The following PLAT variants were observed in gnomAD, a reference collection of about 807,000 sequenced individuals.
The protein encoded by PLAT is tissue-type plasminogen activator.
A neutral mutation model predicts 74.9 loss-of-function variants in PLAT; 48 were observed. The ratio of observed to expected loss-of-function variants is 0.64; its 90% confidence interval spans 0.51 to 0.82. The LOEUF is 0.82. Among genes scored for constraint, PLAT ranks in the 40% least tolerant of loss-of-function variants. PLAT has a pLI of 0.00. For missense variants in PLAT, 673 were observed against 736.2 expected, an observed-to-expected ratio of 0.91 and a Z score of 0.99; for synonymous variants, 307 against 294.4, an observed-to-expected ratio of 1.04 and a Z score of -0.44.
In PLAT at chr8:42,180,002, C is replaced by A; in HGVS notation, c.1287G>T (p.Val429=). 4 of 1,609,966 alleles carry A rather than the reference C, an allele frequency of 2.5e-6. No individual in the cohort carries two copies. Among genetic ancestry groups the A allele is most frequent in the Non-Finnish European group, 3.4e-6 (4 of 1,177,880 alleles). The part of the protein sequence containing the change: ...CAQESSVVRT[V]CLPPADLQLP... The stretch of plus-strand genomic sequence containing the variant: ...GCTGCAGGTCCGCCGGGGGAAGGCA[C>A]ACAGTGCGGACCACGCTGCTCTCCT... The change falls in exon 12 of 14, where the codon GTG becomes GTT. Residue 429 remains valine (V), a synonymous_variant. Transcript: ENST00000220809.
chr8:42,201,269 C>T (rs952130008), intron 1 of PLAT, among the ~76,000 whole-genome samples: 1 of 152,236 alleles, frequency 6.6e-6, no homozygotes, highest in African/African-American at 2.4e-5. Flanking sequence ...CTCTCTGAGC[C>T]TGTTTCCTGG....
intron 1 of PLAT, among the ~76,000 whole-genome samples, chr8:42,206,210 C>A (rs1354966409): frequency 2.0e-5 from 3 of 152,160 alleles, no homozygotes; most frequent in African/African-American, 7.2e-5. Context: ...AGATTTTGAT[C>A]TGGGGCTTTA....
intron 13 of PLAT, among the ~76,000 whole-genome samples, chr8:42,178,396 G>C (rs1200154337): frequency 6.6e-6 from 1 of 150,986 alleles, no homozygotes; most frequent in African/African-American, 2.4e-5. Flanking sequence ...TCAGCCTCCT[G>C]AGTAGCTGGG....
rs1355493347 is a variant in PLAT at position 42,187,518 on chromosome 8, C to G, written c.419G>C (p.Ser140Thr). 2 of 1,611,448 alleles carry G rather than the reference C, an allele frequency of 1.2e-6. No homozygotes were observed. The highest frequency in any genetic ancestry group is 3.3e-5 in the Admixed American group (2 of 59,992). The change falls in exon 6 of 14, where the codon AGC (serine) becomes ACC (threonine). Residue 140 changes from serine to threonine, a missense_variant. Physicochemically the swap from Ser to Thr is moderately conservative, Grantham distance 58. Transcript: ENST00000220809. ...GCACTCGGCGCCACTCTCCGCTGTG[C>G]TCCACGTGCCCCTGTAGCTGATGCC... Reference protein sequence around the residue: ...DQGISYRGTWSTAESGAECTN... With the variant: ...DQGISYRGTWTTAESGAECTN...
intron 7 of PLAT, 84 bp from the exon 8 acceptor site, chr8:42,182,974 G>C (rs1034177730): frequency 8.9e-7 from 1 of 1,122,864 alleles, no homozygotes; most frequent in Non-Finnish European, 1.3e-6. Flanking sequence ...CGGAGCTGCC[G>C]GTCGAGGAAG....
rs2020921 is a variant in PLAT, at chr8:42,187,447, G to T, written c.490C>A (p.Arg164=). The T allele has an allele frequency of 6.2e-7, 1 of 1,603,504 alleles. No homozygotes were observed. The highest frequency in any genetic ancestry group is 1.1e-5 in the South Asian group (1 of 90,932). ...SALAQKPYSG[R]RPDAIRLGLG... Reference sequence around the variant, plus strand: ...CCCAGCCTGATGGCGTCTGGCCTCCGCCCGCTGTAGGGCTTCTGGGCCAAC... The same window carrying T: ...CCCAGCCTGATGGCGTCTGGCCTCCTCCCGCTGTAGGGCTTCTGGGCCAAC... Residue 164 remains arginine (R), a synonymous_variant, in exon 6 of 14, where the codon CGG becomes AGG. Coordinates refer to ENST00000220809, the MANE Select transcript of PLAT (RefSeq NM_000930.5).
chr8:42,190,743 A>G (rs138698788), intron 3 of PLAT, among the ~76,000 whole-genome samples: 1 of 152,162 alleles, frequency 6.6e-6, no homozygotes, highest in East Asian at 1.9e-4. Context: ...CTAAGTTGGT[A>G]GTTTTGGACC....
chr8:42,206,183 G>T lies in PLAT; in HGVS notation c.-27+1311C>A, dbSNP rs1227412295. Among the ~76,000 whole-genome samples, 3 of 152,326 alleles carry T rather than the reference G, an allele frequency of 2.0e-5. No individual in the cohort carries two copies. In the East Asian group the frequency reaches 5.8e-4, roughly 29 times the overall value. The stretch of plus-strand genomic sequence containing the variant: ...AAGGAGCATTTTGGAGACAAGGGCA[G>T]CTTTCATTTGCTCCTGAGATTTTGA... On this transcript the variant is annotated intron_variant, in intron 1 of 13. Coordinates refer to ENST00000220809, the MANE Select transcript of PLAT (RefSeq NM_000930.5).
In PLAT at chr8:42,207,509, CCCTTT is replaced by C. The variant is rs1235266183; in HGVS notation, c.-47_-43del. The stretch of plus-strand genomic sequence containing the variant: ...CCCGACCTACCACGGCTTGCTCCTT[CCCTTT>C]CCTCGCAGAGGTTTTCTCTCCAGCC... On this transcript the variant is annotated 5_prime_UTR_variant, in exon 1 of 14. Coordinates refer to ENST00000220809, the MANE Select transcript of PLAT (RefSeq NM_000930.5). 2 of 152,356 alleles carry C rather than the reference CCCTTT, an allele frequency of 1.3e-5. No homozygotes were observed. Among genetic ancestry groups the C allele is most frequent in the African/African-American group, 4.8e-5 (2 of 41,462 alleles). The allele number at this position is 152,356 out of a possible 1,614,324, so 9.4% of individuals were successfully genotyped here. A position where few individuals can be genotyped will look rare whatever the true frequency, so the allele number is the denominator to read the frequency against.
Position 42,180,398 on chromosome 8 carries a change from A to C in PLAT, c.1086-20T>G. 1 of 1,614,108 alleles carries C rather than the reference A, an allele frequency of 6.2e-7. No homozygotes were observed. Among genetic ancestry groups the C allele is most frequent in the Non-Finnish European group, 8.5e-7 (1 of 1,179,938 alleles). ...GGAAACCTGGTGGAGAAACAGCCTTAGAATGCTTTTTTTGCTGTGGGATTT... is the reference window on the plus strand; with the variant it reads ...GGAAACCTGGTGGAGAAACAGCCTTCGAATGCTTTTTTTGCTGTGGGATTT... On this transcript the variant is annotated intron_variant, in intron 10 of 13. Transcript: ENST00000220809.
intron 3 of PLAT, among the ~76,000 whole-genome samples, 175 bp from the exon 4 acceptor site, chr8:42,189,246 G>A (rs553397175): frequency 3.9e-5 from 6 of 152,204 alleles, no homozygotes; most frequent in African/African-American, 7.2e-5. Flanking sequence ...GGCCAAACAC[G>A]GTGACTGATG....
Position 42,194,143 on chromosome 8 carries a change from A to G in PLAT, c.-26-932T>C, listed in dbSNP as rs61106697. Among the ~76,000 whole-genome samples the G allele has an allele frequency of 3.3e-3, 405 of 122,432 alleles. 2 individuals are homozygous for G. Among genetic ancestry groups the G allele is most frequent in the African/African-American group, 0.013 (391 of 31,174 alleles). 80.3% of individuals were successfully genotyped at this position (122,432 alleles called of 152,430 possible). Reference sequence around the variant, plus strand: ...ACATGGTTCACTGCAGCCTTGACCCACCAGGCTCAAGAGATCCTCCTGCCT... The same window carrying G: ...ACATGGTTCACTGCAGCCTTGACCCGCCAGGCTCAAGAGATCCTCCTGCCT... On this transcript the variant is annotated intron_variant, in intron 1 of 13. Transcript: ENST00000220809.
At position 42,178,754 on chromosome 8, in the gene PLAT, C is replaced by G. The variant is rs111821505; in HGVS notation, c.1530+143G>C. The G allele has an allele frequency of 4.6e-5, 33 of 719,224 alleles. 2 individuals carry two copies. The highest frequency in any genetic ancestry group is 3.2e-4 in the African/African-American group (18 of 55,986). The allele number at this position is 719,224 out of a possible 1,614,324, so 44.6% of individuals were successfully genotyped here. On this transcript the variant is annotated intron_variant, in intron 13 of 13. Coordinates refer to ENST00000220809, the MANE Select transcript of PLAT (RefSeq NM_000930.5). ...CCTCCAGTTGCTTTATTCTGTGAGGCCCTCATCTAGAATCCCCAGGGGTAT... is the reference window on the plus strand; with the variant it reads ...CCTCCAGTTGCTTTATTCTGTGAGGGCCTCATCTAGAATCCCCAGGGGTAT...
intron 12 of PLAT, 87 bp downstream of exon 12, chr8:42,179,839 G>T: frequency 7.4e-7 from 1 of 1,353,118 alleles, no homozygotes. Flanking sequence ...TGGAACTTCG[G>T]TCTCCTGACC....
At chr8:42,204,114 CTT>C (rs1563265732) in intron 1 of PLAT, among the ~76,000 whole-genome samples, 1 of 151,506 alleles carries the variant, frequency 6.6e-6, no homozygotes, top group African/African-American at 2.4e-5. Context: ...TGTGGCTTGA[CTT>C]AGGGTTGGAG....
intron 8 of PLAT, chr8:42,182,281 C>A: frequency 2.5e-6 from 1 of 406,734 alleles, no homozygotes. Flanking sequence ...CAATGAAAAC[C>A]ACTGAGCTGG....
chr8:42,180,467 C>T, intron 10 of PLAT, 23 bp downstream of exon 10: 2 of 1,613,850 alleles, frequency 1.2e-6, no homozygotes, highest in Non-Finnish European at 1.7e-6. Context: ...GTGGAAAAAC[C>T]AACTGGGTTT....
intron 3 of PLAT, among the ~76,000 whole-genome samples, chr8:42,190,904 TGTTACCAAA>T (rs1395884161): frequency 6.6e-6 from 1 of 152,152 alleles, no homozygotes. Flanking sequence ...ACAGGGATGT[TGTTACCAAA>T]GCTGCCGGTG....
At chr8:42,191,914 T>A (rs1364508970) in intron 2 of PLAT, among the ~76,000 whole-genome samples, 3 of 151,524 alleles carry the variant, frequency 2.0e-5, no homozygotes, top group African/African-American at 7.3e-5. Flanking sequence ...TCAGAGAGTG[T>A]GTGTAGCGCT....
Sources: gnomAD v4.1 joint callset for allele counts (sites outside exome capture counted in the v4.1 genomes callset) on GRCh38, gnomAD v4.1.1 for gene constraint, MANE v1.5 for transcripts, NCBI Gene and HGNC (gene_info 2026-07-23, HGNC 2026-07-21) for gene names.